Variants in C10orf67 observed in about 807,000 individuals in gnomAD.
C10orf67 encodes chromosome 10 open reading frame 67, also known as uncharacterized protein C10orf67, mitochondrial.
A neutral mutation model predicts 35.6 loss-of-function variants in C10orf67; 60 were observed. That is an observed-to-expected ratio of 1.68 (90% CI 1.37 to 2.09). The LOEUF is 2.09. Among genes scored for constraint, C10orf67 ranks in the 30% most tolerant of loss-of-function variants. C10orf67 has a pLI of 0.00. For missense variants in C10orf67, 474 were observed against 330.2 expected, an observed-to-expected ratio of 1.44 and a Z score of -3.38; for synonymous variants, 167 against 115.8, an observed-to-expected ratio of 1.44 and a Z score of -2.84.
intron 5 of C10orf67, among the ~76,000 whole-genome samples, chr10:23,292,139 G>A (rs1057055308): frequency 4.3e-5 from 6 of 140,798 alleles, no homozygotes; most frequent in African/African-American, 1.4e-4. Flanking sequence ...CAATAGACGC[G>A]CTTATTGGGA....
chr10:23,222,713 G>A (rs1564459320), intron 15 of C10orf67, among the ~76,000 whole-genome samples: 1 of 152,184 alleles, frequency 6.6e-6, no homozygotes, highest in South Asian at 2.1e-4. Flanking sequence ...TAAAATGTGA[G>A]TACATTAAGA....
At chr10:23,271,069 G>C (rs148427411) in intron 8 of C10orf67, among the ~76,000 whole-genome samples, 1 of 151,912 alleles carries the variant, frequency 6.6e-6, no homozygotes, top group East Asian at 2.0e-4. Flanking sequence ...AATAAAGGGA[G>C]GAGGGAGAAA....
chr10:23,306,530 GAAAA>G (rs61468201), intron 4 of C10orf67, among the ~76,000 whole-genome samples: 1 of 56,316 alleles, frequency 1.8e-5, no homozygotes, highest in African/African-American at 6.0e-5. Context: ...CTCCATCTCA[GAAAA>G]AAAAAAAAAA....
intron 4 of C10orf67, among the ~76,000 whole-genome samples, chr10:23,316,279 C>G (rs1446643322): frequency 6.6e-6 from 1 of 152,212 alleles, no homozygotes; most frequent in African/African-American, 2.4e-5. Flanking sequence ...AAGGCTGCAG[C>G]TGGACCAGGT....
rs12269577 is a variant in C10orf67 at position 23,246,001 on chromosome 10, G to A, written c.1346+4454C>T. ...ATAAAAAAATACGGTACACATATGC[G>A]ATGGAATACTGCACAGTCATAAAAA... On this transcript the variant is annotated intron_variant, in intron 12 of 15. Coordinates refer to ENST00000636213, the MANE Select transcript of C10orf67 (RefSeq NM_001371909.1). Among the ~76,000 whole-genome samples the A allele has an allele frequency of 4.6e-3, 693 of 152,242 alleles. 8 individuals carry two copies. Among genetic ancestry groups the A allele is most frequent in the African/African-American group, 0.016 (668 of 41,556 alleles).
chr10:23,259,843 G>T (rs538277717), intron 10 of C10orf67, among the ~76,000 whole-genome samples: 5 of 151,914 alleles, frequency 3.3e-5, no homozygotes, highest in African/African-American at 1.2e-4. Context: ...TTGAAGTTAG[G>T]TTAAAAAAAA....
chr10:23,235,952 A>C (rs943550175), intron 13 of C10orf67, among the ~76,000 whole-genome samples: 5 of 151,968 alleles, frequency 3.3e-5, no homozygotes, highest in Admixed American at 2.0e-4. Context: ...TGTCTCCACC[A>C]AAAATACAAA....
rs1842757289 is a variant in C10orf67 at position 23,261,807 on chromosome 10, A to G, written c.1200+4455T>C. Reference sequence around the variant, plus strand: ...GTAATAGATGAATCAATAAGAGGAAACAAAGAATTTTAATAGGATCAATTT... The same window carrying G: ...GTAATAGATGAATCAATAAGAGGAAGCAAAGAATTTTAATAGGATCAATTT... On this transcript the variant is annotated intron_variant, in intron 10 of 15. Coordinates refer to ENST00000636213, the MANE Select transcript of C10orf67 (RefSeq NM_001371909.1). 3.9e-5 allele frequency among the ~76,000 whole-genome samples: 6 copies of G among 152,198 alleles called. No homozygotes were observed. In the South Asian group the frequency reaches 1.2e-3, roughly 31 times the overall value.
chr10:23,281,322 T>C (rs1403167893), intron 8 of C10orf67, among the ~76,000 whole-genome samples: 1 of 152,232 alleles, frequency 6.6e-6, no homozygotes. Context: ...TGAAGTGGTG[T>C]TGATTTCCTA....
chr10:23,232,403 G>A (rs1246742073), intron 13 of C10orf67, among the ~76,000 whole-genome samples: 1 of 152,148 alleles, frequency 6.6e-6, no homozygotes, highest in African/African-American at 2.4e-5. Flanking sequence ...TACTAACTAT[G>A]CAATAATTAA....
In C10orf67 at chr10:23,255,526, G is replaced by A. The variant is rs569854157; in HGVS notation, c.1201-4835C>T. Among the ~76,000 whole-genome samples the A allele has an allele frequency of 4.6e-5, 7 of 152,284 alleles. 1 individual carries two copies. Among genetic ancestry groups the A allele is most frequent in the African/African-American group, 1.7e-4 (7 of 41,568 alleles). ...CTGTCTGGGTGTGGCTTCCTCACCT[G>A]GCTCTAGAACATCCTAGACCTTGTG... On this transcript the variant is annotated intron_variant, in intron 10 of 15. Coordinates refer to ENST00000636213, the MANE Select transcript of C10orf67 (RefSeq NM_001371909.1).
chr10:23,229,940 C>T (rs1328770105), intron 13 of C10orf67, among the ~76,000 whole-genome samples: 2 of 151,712 alleles, frequency 1.3e-5, no homozygotes, highest in African/African-American at 4.8e-5. Context: ...ATTGAAATAC[C>T]AATTAAATTT....
intron 5 of C10orf67, among the ~76,000 whole-genome samples, chr10:23,301,282 T>C (rs1440725821): frequency 2.0e-5 from 3 of 151,922 alleles, no homozygotes; most frequent in Admixed American, 6.6e-5. Flanking sequence ...CCCAAGAAAA[T>C]TGAAAGTGGA....
intron 15 of C10orf67, among the ~76,000 whole-genome samples, chr10:23,212,946 T>A (rs375568222): frequency 6.6e-6 from 1 of 152,130 alleles, no homozygotes; most frequent in Non-Finnish European, 1.5e-5. Flanking sequence ...TGAAACAGTA[T>A]GACAAAGATT....
intron 6 of C10orf67, 66 bp from the exon 7 acceptor site, chr10:23,290,024 C>G: frequency 1.4e-6 from 1 of 709,194 alleles, no homozygotes; most frequent in Non-Finnish European, 2.6e-6. Context: ...ATTTAAACGG[C>G]CTGCTTCAGG....
intron 10 of C10orf67, among the ~76,000 whole-genome samples, chr10:23,251,498 C>G (rs1412957244): frequency 6.6e-6 from 1 of 152,122 alleles, no homozygotes; most frequent in Non-Finnish European, 1.5e-5. Context: ...AAAGTTTCAG[C>G]AAAATGAATG....
intron 15 of C10orf67, among the ~76,000 whole-genome samples, chr10:23,208,922 A>T (rs771850693): frequency 2.6e-5 from 4 of 152,042 alleles, no homozygotes; most frequent in Non-Finnish European, 5.9e-5. Flanking sequence ...ATAGTGAGGG[A>T]CATGAGGTCT....
At chr10:23,228,426 A>G (rs1841805592) in intron 13 of C10orf67, among the ~76,000 whole-genome samples, 1 of 152,214 alleles carries the variant, frequency 6.6e-6, no homozygotes, top group Non-Finnish European at 1.5e-5. Context: ...TTAACCTTAT[A>G]CAAAAATTAA....
chr10:23,274,045 G>A (rs764082501), intron 8 of C10orf67, among the ~76,000 whole-genome samples: 19 of 152,042 alleles, frequency 1.2e-4, no homozygotes, highest in South Asian at 8.3e-4. Context: ...TGGTAGGACC[G>A]TGATGGCGCC....
Sources: gnomAD v4.1 joint callset for allele counts (sites outside exome capture counted in the v4.1 genomes callset) on GRCh38, gnomAD v4.1.1 for gene constraint, MANE v1.5 for transcripts, NCBI Gene and HGNC (gene_info 2026-07-23, HGNC 2026-07-21) for gene names.